Variants in SCEL observed in about 807,000 individuals in gnomAD.
SCEL encodes sciellin.
SCEL carries 113 observed loss-of-function variants against 117.6 expected under a neutral mutation model. The ratio of observed to expected loss-of-function variants is 0.96; its 90% CI spans 0.83 to 1.12. The LOEUF (loss-of-function observed/expected upper bound fraction) is 1.12. SCEL is among the 50% of genes most tolerant of loss of function. The pLI is 0.00. For synonymous variants in SCEL, 270 were observed against 256.2 expected, an observed-to-expected ratio of 1.05 and a Z score of -0.51; for missense variants, 785 against 810.8, an observed-to-expected ratio of 0.97 and a Z score of 0.39.
At chr13:77,599,622 C>T (rs992843645) in intron 14 of SCEL, 67 bp from the exon 15 acceptor site, 16 of 1,191,816 alleles carry the variant, frequency 1.3e-5, no homozygotes, top group Non-Finnish European at 2.0e-5. Context: ...TGCATTTGAC[C>T]TTTCAAGATA....
At chr13:77,602,933 G>T (rs1474528081) in intron 17 of SCEL, 143 bp from the exon 18 acceptor site, 6 of 629,256 alleles carry the variant, frequency 9.5e-6, no homozygotes, top group Non-Finnish European at 1.6e-5. Flanking sequence ...TTATTGATTG[G>T]CAATTTTTAT....
intron 27 of SCEL, among the ~76,000 whole-genome samples, chr13:77,621,241 T>A (rs1417045638): frequency 6.6e-6 from 1 of 152,172 alleles, no homozygotes; most frequent in Non-Finnish European, 1.5e-5. Flanking sequence ...CCATTGCCAT[T>A]GCATAATGGC....
chr13:77,576,349 C>G (rs1353016222), intron 9 of SCEL, among the ~76,000 whole-genome samples: 1 of 152,026 alleles, frequency 6.6e-6, no homozygotes, highest in Non-Finnish European at 1.5e-5. Context: ...CTTTCTTTTT[C>G]GATTTCTCAG....
intron 11 of SCEL, among the ~76,000 whole-genome samples, chr13:77,592,331 G>T (rs9544546): frequency 0.1 from 15,660 of 152,100 alleles, 1,334 homozygotes; most frequent in East Asian, 0.44. Context: ...GGATGTCAAT[G>T]CATGTTCTGC....
chr13:77,545,717 T>C (rs576216697), intron 1 of SCEL, among the ~76,000 whole-genome samples: 1 of 152,310 alleles, frequency 6.6e-6, no homozygotes, highest in East Asian at 1.9e-4. Context: ...TTGGGTGACA[T>C]GGACAATGGG....
intron 12 of SCEL, among the ~76,000 whole-genome samples, chr13:77,596,628 G>A (rs532743226): frequency 3.9e-5 from 6 of 152,026 alleles, no homozygotes; most frequent in Non-Finnish European, 7.4e-5. Flanking sequence ...AAACTTGAAT[G>A]CGTAACTACT....
chr13:77,543,764 G>T (rs2083849305), intron 1 of SCEL, among the ~76,000 whole-genome samples: 1 of 152,158 alleles, frequency 6.6e-6, no homozygotes, highest in Non-Finnish European at 1.5e-5. Context: ...TTGCTGCAAA[G>T]AACATGATTT....
chr13:77,577,543 A>G (rs1304661432), intron 9 of SCEL, among the ~76,000 whole-genome samples: 24 of 152,240 alleles, frequency 1.6e-4, no homozygotes, highest in Non-Finnish European at 1.5e-5. Context: ...GGGGACTACA[A>G]TTCGAGGTGG....
rs1430318953 is a variant in SCEL, at chr13:77,559,855, A to G, written c.213A>G (p.Ala71=). The G allele has an allele frequency of 3.1e-6, 5 of 1,613,370 alleles. No individual in the cohort carries two copies. Among genetic ancestry groups the G allele is most frequent in the Non-Finnish European group, 4.2e-6 (5 of 1,179,390 alleles). ...VVLNRHNSHD[A]LDRKVNERDV... The stretch of plus-strand genomic sequence containing the variant: ...TCAACCGACATAATTCCCATGATGC[A>G]TTGGACAGGTGGGTGTTTAGACATG... Residue 71 remains alanine, a synonymous_variant, in exon 4 of 33, where the codon GCA becomes GCG. Coordinates refer to ENST00000349847, the MANE Select transcript of SCEL (RefSeq NM_144777.3).
intron 5 of SCEL, 51 bp from the exon 6 acceptor site, chr13:77,567,629 G>T: frequency 7.6e-7 from 1 of 1,310,788 alleles, no homozygotes; most frequent in South Asian, 1.2e-5. Flanking sequence ...TCTGAAAGGA[G>T]TTTGATAATT....
chr13:77,557,586 G>A (rs2084734417), intron 3 of SCEL, among the ~76,000 whole-genome samples: 1 of 152,192 alleles, frequency 6.6e-6, no homozygotes, highest in Admixed American at 6.5e-5. Context: ...GCTATTTAGT[G>A]GTAGAGTTGA....
intron 30 of SCEL, among the ~76,000 whole-genome samples, chr13:77,638,658 G>A (rs2090418154): frequency 6.6e-6 from 1 of 152,130 alleles, no homozygotes; most frequent in Non-Finnish European, 1.5e-5. Context: ...TGTGAAATTG[G>A]CGATGTTCTT....
At chr13:77,613,990 G>T in intron 24 of SCEL, 35 bp downstream of exon 24, 1 of 1,555,730 alleles carries the variant, frequency 6.4e-7, no homozygotes, top group Non-Finnish European at 8.8e-7. Context: ...TGTGTTTCTC[G>T]TTAAGTAAAC....
chr13:77,578,725 G>A (rs1443955945), intron 9 of SCEL, among the ~76,000 whole-genome samples: 1 of 152,186 alleles, frequency 6.6e-6, no homozygotes, highest in Non-Finnish European at 1.5e-5. Context: ...AGAAATAGGA[G>A]CAGAATAGGG....
In SCEL at chr13:77,597,711, G is replaced by A. The variant is rs536156520; in HGVS notation, c.797+122G>A. 1.2e-5 allele frequency: 6 copies of A among 499,880 alleles called. No individual in the cohort carries two copies. In the South Asian group the frequency reaches 1.8e-4, roughly 15 times the overall value. The allele number at this position is 499,880 out of a possible 1,614,324, so 31.0% of individuals were successfully genotyped here. A position where few individuals can be genotyped will look rare whatever the true frequency, so the allele number is the denominator to read the frequency against. On this transcript the variant is annotated intron_variant, in intron 13 of 32. Transcript: ENST00000349847. ...TAGTCAAAAATATCCTACAAATCTT[G>A]AATAAAAGCTTGCAGCAATCATCAT...
Position 77,567,647 on chromosome 13 carries a change from T to C in SCEL, c.291-33T>C, listed in dbSNP as rs376738581. 54 of 1,482,980 alleles carry C rather than the reference T, an allele frequency of 3.6e-5. No homozygotes were observed. In the African/African-American group the frequency reaches 6.7e-4, roughly 18 times the overall value. 91.9% of individuals were successfully genotyped at this position (1,482,980 alleles called of 1,614,324 possible). ...GAAAGGAGTTTGATAATTTAAATAT[T>C]TATCCAGACTTTTGTCTTGTTTCTT... On this transcript the variant is annotated intron_variant, in intron 5 of 32. Transcript: ENST00000349847.
rs75150712 is a variant in SCEL at position 77,583,732 on chromosome 13, G to T, written c.546-5412G>T. Among the ~76,000 whole-genome samples the T allele has an allele frequency of 3.3e-3, 509 of 152,312 alleles. 3 individuals are homozygous for T. The highest frequency in any genetic ancestry group is 0.012 in the African/African-American group (479 of 41,582). On this transcript the variant is annotated intron_variant, in intron 9 of 32. Transcript: ENST00000349847. ...ATAGAAAGTGAAAACAAAATTCACA[G>T]TTAAATATTAGAGACAATGATTCTG...
At chr13:77,556,307 T>TCCC (rs1333535757) in intron 2 of SCEL, among the ~76,000 whole-genome samples, 21 of 152,176 alleles carry the variant, frequency 1.4e-4, no homozygotes, top group Non-Finnish European at 2.6e-4. Context: ...AAATCCTGGC[T>TCCC]CAGTTTATCC....
At chr13:77,556,771 T>C in intron 3 of SCEL, 58 bp downstream of exon 3, 1 of 1,182,918 alleles carries the variant, frequency 8.5e-7, no homozygotes, top group Non-Finnish European at 1.3e-6. Context: ...CATTATCTGT[T>C]TGGGAAGCTA....
Sources: gnomAD v4.1 joint callset for allele counts (sites outside exome capture counted in the v4.1 genomes callset) on GRCh38, gnomAD v4.1.1 for gene constraint, MANE v1.5 for transcripts, NCBI Gene and HGNC (gene_info 2026-07-23, HGNC 2026-07-21) for gene names.